Variants in PHACTR1 observed in about 807,000 individuals in gnomAD.
PHACTR1 encodes RPEL repeat containing 1.
A neutral mutation model predicts 69.2 loss-of-function variants in PHACTR1; 16 were observed. The ratio of observed to expected loss-of-function variants is 0.23; its 90% CI spans 0.16 to 0.35. The LOEUF is 0.35. Among genes scored for constraint, PHACTR1 ranks in the 10% least tolerant of loss-of-function variants. The probability of loss-of-function intolerance (pLI) is 1.00; values close to 1 mark genes in which losing one functional copy is unlikely to be tolerated. For missense variants in PHACTR1, 510 were observed against 734.7 expected (o/e 0.69, Z 3.54); for synonymous variants, 312 against 284.5 (o/e 1.10, Z -0.97).
intron 8 of PHACTR1, among the ~76,000 whole-genome samples, chr6:13,212,082 C>T (rs1207806622): frequency 1.3e-5 from 2 of 152,130 alleles, no homozygotes; most frequent in African/African-American, 4.8e-5. Flanking sequence ...CGTGGTCTTC[C>T]CTCTGTGTGT....
chr6:12,914,091 C>T (rs1452254944), intron 4 of PHACTR1, among the ~76,000 whole-genome samples: 1 of 151,694 alleles, frequency 6.6e-6, no homozygotes, highest in African/African-American at 2.4e-5. Flanking sequence ...GCCTCAGCCT[C>T]CCAGGTAGCT....
intron 4 of PHACTR1, among the ~76,000 whole-genome samples, chr6:12,826,094 T>C (rs527259424): frequency 5.9e-4 from 90 of 152,314 alleles, no homozygotes; most frequent in African/African-American, 2.1e-3. Flanking sequence ...AAGTAATTTT[T>C]TCCCATGGCT....
At chr6:12,787,954 C>T (rs1383562788) in intron 4 of PHACTR1, among the ~76,000 whole-genome samples, 2 of 152,080 alleles carry the variant, frequency 1.3e-5, no homozygotes, top group South Asian at 2.1e-4. Flanking sequence ...GTCAGGAGTA[C>T]GAGACCAGCC....
At chr6:13,046,523 C>G (rs553185681) in intron 4 of PHACTR1, among the ~76,000 whole-genome samples, 1 of 152,228 alleles carries the variant, frequency 6.6e-6, no homozygotes, top group East Asian at 1.9e-4. Flanking sequence ...CAGTGATCCT[C>G]GTACTCACCG....
intron 5 of PHACTR1, among the ~76,000 whole-genome samples, chr6:13,155,582 G>T (rs143246197): frequency 6.6e-6 from 1 of 152,122 alleles, no homozygotes; most frequent in African/African-American, 2.4e-5. Flanking sequence ...CTTGTTAAGA[G>T]AGATGGTAAG....
chr6:13,023,167 T>C (rs1417790695), intron 4 of PHACTR1, among the ~76,000 whole-genome samples: 1 of 152,210 alleles, frequency 6.6e-6, no homozygotes, highest in African/African-American at 2.4e-5. Flanking sequence ...GTGTTGGTCT[T>C]TTCAAAAGCT....
intron 4 of PHACTR1, among the ~76,000 whole-genome samples, chr6:12,968,084 A>C (rs1332870368): frequency 1.3e-5 from 2 of 152,182 alleles, no homozygotes; most frequent in Non-Finnish European, 2.9e-5. Context: ...CACCAGAATT[A>C]TAGAACTCTT....
chr6:12,867,618 C>T (rs73722899), intron 4 of PHACTR1, among the ~76,000 whole-genome samples: 2,111 of 152,312 alleles, frequency 0.014, 47 homozygotes, highest in African/African-American at 0.047. Context: ...AGCCCTCTTG[C>T]TGGAGAAACT....
At chr6:13,266,073 C>T (rs532167726) in intron 10 of PHACTR1, among the ~76,000 whole-genome samples, 4 of 152,226 alleles carry the variant, frequency 2.6e-5, no homozygotes, top group Admixed American at 2.6e-4. Context: ...TCATGGTTTT[C>T]TTCCACTCTT....
intron 4 of PHACTR1, among the ~76,000 whole-genome samples, chr6:12,870,290 A>C (rs773124336): frequency 4.3e-4 from 65 of 152,204 alleles, no homozygotes; most frequent in Non-Finnish European, 4.1e-4. Flanking sequence ...CTCTCATTTC[A>C]GGCAAAGAAA....
chr6:13,050,511 C>T (rs529929587), intron 4 of PHACTR1, among the ~76,000 whole-genome samples: 18 of 152,266 alleles, frequency 1.2e-4, no homozygotes, highest in Admixed American at 3.9e-4. Context: ...CCCACTTCTT[C>T]GCCTTCCTAA....
chr6:12,781,748 G>C (rs1345133706), intron 4 of PHACTR1, among the ~76,000 whole-genome samples: 6 of 152,300 alleles, frequency 3.9e-5, no homozygotes, highest in Admixed American at 3.9e-4. Context: ...TTGGTGTTCT[G>C]CTTCTGATTG....
chr6:12,739,564 G>A (rs1764765009), intron 3 of PHACTR1, among the ~76,000 whole-genome samples: 2 of 152,124 alleles, frequency 1.3e-5, no homozygotes, highest in South Asian at 2.1e-4. Flanking sequence ...TTTTGAGACA[G>A]GGTCTCACTC....
chr6:12,972,415 A>G (rs1417669144), intron 4 of PHACTR1, among the ~76,000 whole-genome samples: 1 of 152,164 alleles, frequency 6.6e-6, no homozygotes. Context: ...AATTACCACA[A>G]ATTTAGTGGC....
Position 12,860,683 on chromosome 6 carries a change from G to A in PHACTR1, c.250+110893G>A, listed in dbSNP as rs528361675. ...GTTGTTTCCTGACTTTTTAATGATC[G>A]CCATTCTAACTGGTATGAGATGGTA... On this transcript the variant is annotated intron_variant, in intron 4 of 14. Transcript: ENST00000332995. 1.4e-3 allele frequency among the ~76,000 whole-genome samples: 217 copies of A among 152,112 alleles called. 1 individual carries two copies. Among genetic ancestry groups the A allele is most frequent in the Admixed American group, 4.3e-3 (66 of 15,290 alleles).
At chr6:12,726,967 T>G (rs994485480) in intron 3 of PHACTR1, among the ~76,000 whole-genome samples, 2 of 152,220 alleles carry the variant, frequency 1.3e-5, no homozygotes, top group African/African-American at 4.8e-5. Context: ...AATTTATTTT[T>G]TATTGTTTCC....
At chr6:12,819,364 G>T (rs777051206) in intron 4 of PHACTR1, among the ~76,000 whole-genome samples, 1 of 152,182 alleles carries the variant, frequency 6.6e-6, no homozygotes, top group African/African-American at 2.4e-5. Flanking sequence ...TTCCACAGTA[G>T]CTCTTGTGGT....
At chr6:12,895,155 A>G (rs1020617107) in intron 4 of PHACTR1, among the ~76,000 whole-genome samples, 1 of 146,552 alleles carries the variant, frequency 6.8e-6, no homozygotes, top group South Asian at 2.2e-4. Flanking sequence ...CTCTTGTCTG[A>G]TATTGTGACT....
intron 5 of PHACTR1, among the ~76,000 whole-genome samples, chr6:13,104,792 A>G (rs1420985656): frequency 6.6e-6 from 1 of 152,132 alleles, no homozygotes; most frequent in East Asian, 1.9e-4. Context: ...TTTTTATTCC[A>G]CTATAAAAAG....
Sources: allele counts gnomAD v4.1 joint callset (sites outside exome capture counted in the v4.1 genomes callset), GRCh38; gene constraint gnomAD v4.1.1; transcripts MANE v1.5; gene names NCBI Gene and HGNC (gene_info 2026-07-23, HGNC 2026-07-21).